Variants in ASTN2 observed in about 807,000 individuals in gnomAD.
ASTN2 encodes astrotactin-2.
ASTN2 carries 54 observed loss-of-function variants against 139.8 expected under a neutral mutation model. That is an observed-to-expected ratio of 0.39 (90% CI 0.31 to 0.48). The LOEUF (loss-of-function observed/expected upper bound fraction) is 0.48. Ranked by LOEUF, ASTN2 falls within the 20% of genes least tolerant of loss-of-function variation. The pLI is 0.95. For synonymous variants in ASTN2, 756 were observed against 719.5 expected (o/e 1.05, Z -0.81); for missense variants, 1,565 against 1,725.1 (o/e 0.91, Z 1.64).
At chr9:116,754,631 G>T (rs186603687) in intron 13 of ASTN2, among the ~76,000 whole-genome samples, 1 of 152,122 alleles carries the variant, frequency 6.6e-6, no homozygotes, top group Non-Finnish European at 1.5e-5. Flanking sequence ...TTGTGGGAGA[G>T]CCCACGTGTC....
chr9:117,340,663 C>T (rs1261671005), intron 1 of ASTN2, among the ~76,000 whole-genome samples: 1 of 152,124 alleles, frequency 6.6e-6, no homozygotes, highest in Non-Finnish European at 1.5e-5. Flanking sequence ...TCACTGAGCT[C>T]CAGTGAGGTC....
chr9:117,365,687 C>T (rs1829825250), intron 1 of ASTN2, among the ~76,000 whole-genome samples: 1 of 152,160 alleles, frequency 6.6e-6, no homozygotes, highest in Non-Finnish European at 1.5e-5. Flanking sequence ...GGAGAGGAAT[C>T]AGAAATATTT....
chr9:116,614,290 A>G (rs1266203001), intron 19 of ASTN2, among the ~76,000 whole-genome samples: 1 of 152,214 alleles, frequency 6.6e-6, no homozygotes, highest in Non-Finnish European at 1.5e-5. Context: ...GAAAATTGCC[A>G]TGCTGCCAAA....
chr9:117,255,949 C>T (rs1204283207), intron 2 of ASTN2, among the ~76,000 whole-genome samples: 1 of 152,172 alleles, frequency 6.6e-6, no homozygotes, highest in Non-Finnish European at 1.5e-5. Flanking sequence ...TCTTTGAAAG[C>T]ACACATCTAG....
chr9:116,436,996 G>A (rs1847673836), intron 22 of ASTN2, among the ~76,000 whole-genome samples: 1 of 149,754 alleles, frequency 6.7e-6, no homozygotes, highest in African/African-American at 2.5e-5. Flanking sequence ...ACTCATAGGT[G>A]GGAATTGAAC....
At chr9:117,155,506 GAGAC>G (rs1830414267) in intron 3 of ASTN2, among the ~76,000 whole-genome samples, 1 of 104,152 alleles carries the variant, frequency 9.6e-6, no homozygotes. Context: ...CAGAGAGAGA[GAGAC>G]AGAGACAGAG....
At chr9:117,281,677 G>A (rs993544446) in intron 2 of ASTN2, among the ~76,000 whole-genome samples, 16 of 152,268 alleles carry the variant, frequency 1.1e-4, no homozygotes, top group Admixed American at 8.5e-4. Flanking sequence ...TGGTCACCAA[G>A]GGGACACACG....
chr9:117,180,546 T>C, intron 3 of ASTN2: 1 of 676,706 alleles, frequency 1.5e-6, no homozygotes, highest in Non-Finnish European at 2.5e-6. Flanking sequence ...TTCATATCCA[T>C]ATTTCAGCAC....
chr9:116,562,329 A>T (rs897672420), intron 19 of ASTN2: 2 of 152,202 alleles, frequency 1.3e-5, no homozygotes, highest in Non-Finnish European at 2.9e-5. Context: ...CTAGTCCCAG[A>T]ACTGTTTTTA....
chr9:116,600,812 T>C (rs1166463507), intron 19 of ASTN2, among the ~76,000 whole-genome samples: 1 of 152,140 alleles, frequency 6.6e-6, no homozygotes, highest in Non-Finnish European at 1.5e-5. Context: ...TTAAGGCCAC[T>C]GTGCGTGCTG....
At chr9:116,648,416 AC>A (rs2131916574) in intron 17 of ASTN2, among the ~76,000 whole-genome samples, 1 of 152,106 alleles carries the variant, frequency 6.6e-6, no homozygotes, top group African/African-American at 2.4e-5. Flanking sequence ...ACAGGCGTGA[AC>A]CACTGGCCCT....
At chr9:116,602,620 G>A (rs978180996) in intron 19 of ASTN2, among the ~76,000 whole-genome samples, 1 of 152,120 alleles carries the variant, frequency 6.6e-6, no homozygotes, top group Non-Finnish European at 1.5e-5. Context: ...AGGGAAAATA[G>A]GGTATTATGG....
In ASTN2 at chr9:116,650,057, C is replaced by T. The variant is rs1440557189; in HGVS notation, c.3072+1471G>A. On this transcript the variant is annotated intron_variant, in intron 17 of 22. Transcript: ENST00000313400. ...GAAGCTCTGTATGAGCACTCAACAC[C>T]CTCCAGCACTTAGCCAAGAAGTATG... Among the ~76,000 whole-genome samples the T allele has an allele frequency of 2.0e-5, 3 of 152,140 alleles. No homozygotes were observed. The East Asian group carries it at 5.8e-4, about 29-fold the overall frequency.
chr9:117,407,742 A>T (rs79853539), intron 1 of ASTN2, among the ~76,000 whole-genome samples: 5,696 of 152,264 alleles, frequency 0.037, 350 homozygotes, highest in African/African-American at 0.13. Flanking sequence ...AGAAAATAGA[A>T]CAACTCTCAT....
chr9:117,166,529 A>G (rs1830673829), intron 3 of ASTN2, among the ~76,000 whole-genome samples: 1 of 152,082 alleles, frequency 6.6e-6, no homozygotes, highest in African/African-American at 2.4e-5. Context: ...ACTTGCTGCT[A>G]TCTATTCCTT....
chr9:116,741,751 G>T (rs1829101880), intron 13 of ASTN2, among the ~76,000 whole-genome samples: 1 of 152,168 alleles, frequency 6.6e-6, no homozygotes, highest in South Asian at 2.1e-4. Context: ...CATCTATAGG[G>T]TCTGGTGGTG....
At chr9:116,972,195 C>T (rs768517052) in intron 10 of ASTN2, among the ~76,000 whole-genome samples, 1 of 100,314 alleles carries the variant, frequency 1.0e-5, no homozygotes, top group Non-Finnish European at 2.0e-5. Flanking sequence ...TTAGTTTACT[C>T]ATTAATGAAA....
intron 22 of ASTN2, 79 bp downstream of exon 22, chr9:116,440,530 G>GGAC: frequency 7.3e-7 from 1 of 1,371,206 alleles, no homozygotes; most frequent in East Asian, 2.3e-5. Context: ...CCTAGTCTCA[G>GGAC]CCTATGGGGA....
chr9:117,413,421 CTGTTGTT>C (rs1831226426), intron 1 of ASTN2, among the ~76,000 whole-genome samples: 1 of 152,250 alleles, frequency 6.6e-6, no homozygotes, highest in Non-Finnish European at 1.5e-5. Context: ...CTCACGGGCG[CTGTTGTT>C]GGCCAGACTC....
Sources: gnomAD v4.1 joint callset for allele counts (sites outside exome capture counted in the v4.1 genomes callset) on GRCh38, gnomAD v4.1.1 for gene constraint, MANE v1.5 for transcripts, NCBI Gene and HGNC (gene_info 2026-07-23, HGNC 2026-07-21) for gene names.